Variants in MEGF6 observed in about 807,000 individuals in gnomAD.
The protein encoded by MEGF6 is multiple EGF like domains 6.
Under a neutral mutation model 207.1 loss-of-function variants are expected in MEGF6, and 184 were observed. The ratio of observed to expected loss-of-function variants is 0.89; its 90% CI spans 0.79 to 1.00. The LOEUF (loss-of-function observed/expected upper bound fraction) is 1.00. Among genes scored for constraint, MEGF6 ranks in the 50% least tolerant of loss-of-function variants. MEGF6 has a pLI of 0.00. For synonymous variants in MEGF6, 1,038 were observed against 910.0 expected, an observed-to-expected ratio of 1.14 and a Z score of -2.53; for missense variants, 2,282 against 2,202.9, an observed-to-expected ratio of 1.04 and a Z score of -0.72.
chr1:3,572,839 T>C (rs1389425905), intron 4 of MEGF6, among the ~76,000 whole-genome samples: 2 of 142,184 alleles, frequency 1.4e-5, no homozygotes, highest in Admixed American at 7.0e-5. Context: ...CTGGGTGTGC[T>C]GGGTCCTTCC....
chr1:3,503,701 G>C (rs1640994452), intron 17 of MEGF6, among the ~76,000 whole-genome samples: 1 of 146,994 alleles, frequency 6.8e-6, no homozygotes, highest in African/African-American at 2.5e-5. Context: ...GTGCATGTAT[G>C]TGTGTATGTG....
intron 4 of MEGF6, among the ~76,000 whole-genome samples, chr1:3,543,058 C>T (rs2101526942): frequency 6.6e-6 from 1 of 152,342 alleles, no homozygotes; most frequent in African/African-American, 2.4e-5. Flanking sequence ...ACCCAGCCTC[C>T]CCTGGGAGAT....
In MEGF6 at chr1:3,511,991, C is replaced by T. The variant is rs763143746; in HGVS notation, c.976+15G>A. The T allele has an allele frequency of 2.0e-5, 33 of 1,611,578 alleles. No homozygotes were observed. The highest frequency in any genetic ancestry group is 2.5e-5 in the Non-Finnish European group (29 of 1,179,846). On this transcript the variant is annotated intron_variant, in intron 8 of 36. Coordinates refer to ENST00000356575, the MANE Select transcript of MEGF6 (RefSeq NM_001409.4). ...ATCCCGGGCACCTTCAGCCTGTTGC[C>T]GGCTGCCCACTCACGGTAGCACTGC...
chr1:3,527,793 G>A (rs1642016591), intron 4 of MEGF6, among the ~76,000 whole-genome samples: 1 of 152,170 alleles, frequency 6.6e-6, no homozygotes, highest in South Asian at 2.1e-4. Context: ...CAAGACCCCC[G>A]AGAGGGTCTC....
chr1:3,539,212 A>G (rs1458548254), intron 4 of MEGF6, among the ~76,000 whole-genome samples: 1 of 152,062 alleles, frequency 6.6e-6, no homozygotes, highest in African/African-American at 2.4e-5. Context: ...GTGCAGTGTC[A>G]CTACAGACCC....
rs188112249 is a variant in MEGF6, at chr1:3,509,841, C to T, written c.1357+29G>A. 240 of 1,528,276 alleles carry T rather than the reference C, an allele frequency of 1.6e-4. 2 individuals are homozygous for T. Among genetic ancestry groups the T allele is most frequent in the South Asian group, 6.6e-4 (54 of 82,402 alleles). 94.7% of individuals were successfully genotyped at this position (1,528,276 alleles called of 1,614,324 possible). A position where few individuals can be genotyped will look rare whatever the true frequency, so the allele number is the denominator to read the frequency against. ...GGGGCAAACTCGAGAAGGCAGAGGC[C>T]GGTGCTCCGCGGAGGGCGGGAGACT... On this transcript the variant is annotated intron_variant, in intron 11 of 36. Transcript: ENST00000356575.
chr1:3,610,422 C>T (rs1316410569), intron 1 of MEGF6, among the ~76,000 whole-genome samples: 1 of 152,184 alleles, frequency 6.6e-6, no homozygotes, highest in Non-Finnish European at 1.5e-5. Context: ...CCTCGCCCAC[C>T]CACCCCTGCC....
chr1:3,586,486 G>A (rs1297531699), intron 3 of MEGF6, among the ~76,000 whole-genome samples: 2 of 152,168 alleles, frequency 1.3e-5, no homozygotes, highest in African/African-American at 4.8e-5. Context: ...AGGGGTCTGT[G>A]AGTCTGGATG....
At chr1:3,557,597 C>T (rs1406935988) in intron 4 of MEGF6, among the ~76,000 whole-genome samples, 1 of 152,350 alleles carries the variant, frequency 6.6e-6, no homozygotes, top group African/African-American at 2.4e-5. Context: ...TCAGACCCCG[C>T]CCCACCTTGG....
rs1411761980 is a variant in MEGF6 at position 3,501,246 on chromosome 1, C to T, written c.2377G>A (p.Ala793Thr). 1.2e-6 allele frequency: 2 copies of T among 1,610,274 alleles called. No homozygotes were observed. Among genetic ancestry groups the T allele is most frequent in the Middle Eastern group, 1.7e-4 (1 of 6,028 alleles). ...QEICPACQHA[A>T]RCDPETGACL... is the part of the protein sequence containing the mutation. Reference sequence around the variant, plus strand: ...GCTCCGGTCTCAGGGTCGCAGCGGGCAGCGTGCTGGCATGCTGGGCAGATC... The same window carrying T: ...GCTCCGGTCTCAGGGTCGCAGCGGGTAGCGTGCTGGCATGCTGGGCAGATC... Residue 793 changes from alanine (A) to threonine (T), a missense_variant, in exon 19 of 37, where the codon GCC becomes ACC. By Grantham distance (58) the Ala-to-Thr change is moderately conservative (BLOSUM62 0). Transcript: ENST00000356575.
chr1:3,526,839 C>G (rs1641982314), intron 4 of MEGF6, among the ~76,000 whole-genome samples: 1 of 152,196 alleles, frequency 6.6e-6, no homozygotes, highest in Admixed American at 6.5e-5. Flanking sequence ...AAGCTATGAG[C>G]CGAGCATCTG....
chr1:3,576,402 C>T (rs1432111431), intron 4 of MEGF6, among the ~76,000 whole-genome samples: 1 of 152,230 alleles, frequency 6.6e-6, no homozygotes, highest in East Asian at 1.9e-4. Flanking sequence ...GAGTTCCTGT[C>T]TCCCTCCCCA....
chr1:3,544,368 C>A (rs942899718), intron 4 of MEGF6, among the ~76,000 whole-genome samples: 15 of 152,290 alleles, frequency 9.8e-5, no homozygotes, highest in African/African-American at 3.6e-4. Flanking sequence ...CCTCTGCCCC[C>A]AGCACCGTCT....
rs559268389 is a variant in MEGF6, at chr1:3,499,684, G to A, written c.2869C>T (p.Arg957Cys). 3.4e-5 allele frequency: 55 copies of A among 1,601,996 alleles called. No homozygotes were observed. Among genetic ancestry groups the A allele is most frequent in the East Asian group, 9.0e-5 (4 of 44,434 alleles). ...CCGGCGGTGCAGTTGCAGGCACTGC[G>A]ACAGTCCAATCCAAAGAAGCCGGCC... ...CPAGFFGLDC[R>C]SACNCTAGAA... is the part of the protein sequence containing the mutation. The change falls in exon 23 of 37, where the codon CGC becomes TGC. Residue 957 changes from arginine to cysteine, a missense_variant. Coordinates refer to ENST00000356575, the MANE Select transcript of MEGF6 (RefSeq NM_001409.4).
rs1640415689 is a variant in MEGF6, at chr1:3,492,554, TGA to T, written c.4516+83_4516+84del. On this transcript the variant is annotated intron_variant, in intron 35 of 36. Transcript: ENST00000356575. ...GTGACCCGGCCAACTCCGCAGTGGG[TGA>T]GAGAGGGATCCTCTGCCAGGGTGGA... The T allele has an allele frequency of 2.5e-6, 4 of 1,570,192 alleles. No homozygotes were observed. In the African/African-American group the frequency reaches 4.0e-5, roughly 16 times the overall value.
chr1:3,571,092 G>A (rs1159981164), intron 4 of MEGF6, among the ~76,000 whole-genome samples: 1 of 152,182 alleles, frequency 6.6e-6, no homozygotes, highest in East Asian at 1.9e-4. Flanking sequence ...ACAGCCTGGG[G>A]AGCAGGACAC....
At position 3,494,404 on chromosome 1, in the gene MEGF6, C is replaced by A; in HGVS notation, c.4096G>T (p.Gly1366Cys). Residue 1366 changes from glycine to cysteine, a missense_variant, in exon 32 of 37, where the codon GGC (glycine) becomes TGC (cysteine). Physicochemically the swap from Gly to Cys is radical, Grantham distance 159 (BLOSUM62 -3). Transcript: ENST00000356575. ...CAGGCCTGGCCATAGAAGCCGGGGCCGCAGCGGCAGGTGCCCGTGGCAGGC... is the reference window on the plus strand; with the variant it reads ...CAGGCCTGGCCATAGAAGCCGGGGCAGCAGCGGCAGGTGCCCGTGGCAGGC... ...CEPATGTCRC[G>C]PGFYGQACEH... 1 of 1,555,082 alleles carries A rather than the reference C, an allele frequency of 6.4e-7. No homozygotes were observed. The highest frequency in any genetic ancestry group is 8.7e-7 in the Non-Finnish European group (1 of 1,154,438).
At chr1:3,497,474 C>T in intron 26 of MEGF6, 113 bp from the exon 27 acceptor site, 2 of 1,294,544 alleles carry the variant, frequency 1.5e-6, no homozygotes, top group African/African-American at 1.5e-5. Context: ...GCTGGCTGAA[C>T]TGGGGGCTGT....
At position 3,490,960 on chromosome 1, in the gene MEGF6, C is replaced by G; in HGVS notation, c.4517-1G>C. On this transcript the variant is annotated splice_acceptor_variant, in intron 35 of 36. Transcript: ENST00000356575. LOFTEE classifies it high-confidence loss of function. ...TTCTCGGGGAGCCGGAGGGGCCCAC[C>G]TGGAGGGGAGAGAGAGCAGGCCATG... is the stretch of plus-strand genomic sequence containing the variant. 1 of 1,598,178 alleles carries G rather than the reference C, an allele frequency of 6.3e-7. No homozygotes were observed. The highest frequency in any genetic ancestry group is 8.5e-7 in the Non-Finnish European group (1 of 1,175,172).
Sources: gnomAD v4.1 joint callset for allele counts (sites outside exome capture counted in the v4.1 genomes callset) on GRCh38, gnomAD v4.1.1 for gene constraint, MANE v1.5 for transcripts, NCBI Gene and HGNC (gene_info 2026-07-23, HGNC 2026-07-21) for gene names.